The following HSPG2 variants were observed in gnomAD, a reference collection of about 807,000 sequenced individuals.
The protein encoded by HSPG2 is heparan sulfate proteoglycan 2, also known as basement membrane-specific heparan sulfate proteoglycan core protein.
In HSPG2, 278 loss-of-function variants were observed where a neutral mutation model predicts 526.6. That is an observed-to-expected ratio of 0.53 (90% CI 0.48 to 0.58). HSPG2 has a LOEUF of 0.58. Among genes scored for constraint, HSPG2 ranks in the 20% least tolerant of loss-of-function variants. The pLI is 0.00. For missense variants in HSPG2, 5,354 were observed against 6,099.5 expected (o/e 0.88, Z 4.07); for synonymous variants, 2,465 against 2,555.4 (o/e 0.96, Z 1.07).
At chr1:21,844,879 G>A (rs1174103256) in intron 64 of HSPG2, among the ~76,000 whole-genome samples, 1 of 152,194 alleles carries the variant, frequency 6.6e-6, no homozygotes, top group Admixed American at 6.6e-5. Context: ...CCCTTATCAT[G>A]ATTTCTGCAT....
At chr1:21,842,496 G>T in intron 67 of HSPG2, 116 bp from the exon 68 acceptor site, 3 of 1,229,812 alleles carry the variant, frequency 2.4e-6, no homozygotes, top group Non-Finnish European at 3.3e-6. Flanking sequence ...GTCTCAGCTG[G>T]TAGGGCTGGT....
In HSPG2 at chr1:21,887,491, T is replaced by C. The variant is rs1472932057; in HGVS notation, c.887A>G (p.His296Arg). 1 of 1,614,034 alleles carries C rather than the reference T, an allele frequency of 6.2e-7. No homozygotes were observed. The highest frequency in any genetic ancestry group is 2.2e-5 in the East Asian group (1 of 44,868). ...GPQEAACRNGHCIPRDYLCDG... is the reference protein window; with the variant it reads ...GPQEAACRNGRCIPRDYLCDG... ...GCAGAGGTAGTCTCTGGGGATGCAG[T>C]GCCCATTGCGGCATGCGGCCTCCTG... is the stretch of plus-strand genomic sequence containing the variant. Residue 296 changes from histidine (H) to arginine (R), a missense_variant, in exon 8 of 97, where the codon CAC (histidine) becomes CGC (arginine). Physicochemically the swap from His to Arg is conservative, Grantham distance 29. Transcript: ENST00000374695. The surrounding 1 kb of genome is among the most constrained non-coding windows in gnomAD (Gnocchi z 5.0).
At chr1:21,903,714 T>C (rs2501255) in intron 1 of HSPG2, among the ~76,000 whole-genome samples, 67,484 of 152,118 alleles carry the variant, frequency 0.44, 16,349 homozygotes, top group East Asian at 0.64. Context: ...GAGGCGGTGA[T>C]CTCTTTGAGA....
intron 71 of HSPG2, 54 bp downstream of exon 71, chr1:21,841,047 C>G: frequency 6.5e-7 from 1 of 1,533,024 alleles, no homozygotes; most frequent in South Asian, 1.2e-5. Context: ...AGCACCCGCT[C>G]AAGGCTGGGC....
At chr1:21,856,886 G>C in intron 44 of HSPG2, 129 bp downstream of exon 44, 1 of 992,144 alleles carries the variant, frequency 1.0e-6, no homozygotes, top group African/African-American at 1.6e-5. Context: ...CTTCTGCAGA[G>C]CCTAGACCAG....
At position 21,887,136 on chromosome 1, in the gene HSPG2, G is replaced by A. The variant is rs1641957877; in HGVS notation, c.1078+79C>T. ...AAAGCGGAGGGGCAGGGTAGGGGCGGGGCAGGAGTGGAAGGCGGGGCAGGA... is the reference window on the plus strand; with the variant it reads ...AAAGCGGAGGGGCAGGGTAGGGGCGAGGCAGGAGTGGAAGGCGGGGCAGGA... On this transcript the variant is annotated intron_variant, in intron 9 of 96. Coordinates refer to ENST00000374695, the MANE Select transcript of HSPG2 (RefSeq NM_005529.7). This position sits in a 1 kb window ranked among gnomAD's most constrained non-coding sequence, Gnocchi z 5.0. The A allele has an allele frequency of 5.1e-5, 78 of 1,534,862 alleles. No homozygotes were observed. The South Asian group carries it at 8.4e-4, about 17-fold the overall frequency.
At chr1:21,845,999 G>T in intron 64 of HSPG2, 109 bp downstream of exon 64, 1 of 1,326,778 alleles carries the variant, frequency 7.5e-7, no homozygotes, top group Non-Finnish European at 1.1e-6. Flanking sequence ...AATCAGAGCG[G>T]CAGTTCTCGC....
Position 21,884,759 on chromosome 1 carries a change from G to A in HSPG2, c.1507+8C>T, listed in dbSNP as rs757728162. The A allele has an allele frequency of 6.2e-6, 10 of 1,613,098 alleles. No individual in the cohort carries two copies. Among genetic ancestry groups the A allele is most frequent in the East Asian group, 2.2e-5 (1 of 44,870 alleles). Reference sequence around the variant, plus strand: ...CCACACCCGGTGACACCTGCCCTCCGGCAGTACCTCGTTGTGGGACGAGCT... The same window carrying A: ...CCACACCCGGTGACACCTGCCCTCCAGCAGTACCTCGTTGTGGGACGAGCT... On this transcript the variant is annotated splice_region_variant and intron_variant, in intron 12 of 96. Coordinates refer to ENST00000374695, the MANE Select transcript of HSPG2 (RefSeq NM_005529.7).
Position 21,890,202 on chromosome 1 carries a change from C to T in HSPG2, c.414-61G>A. On this transcript the variant is annotated intron_variant, in intron 5 of 96. Transcript: ENST00000374695. This position sits in a 1 kb window ranked among gnomAD's most constrained non-coding sequence, Gnocchi z 4.1. ...GAGACACCTGTGTTCTCAGCTCCTC[C>T]ATGAGGCTCCCGCCCCGACGCTCAG... 1 of 1,594,510 alleles carries T rather than the reference C, an allele frequency of 6.3e-7. No individual in the cohort carries two copies. Among genetic ancestry groups the T allele is most frequent in the Non-Finnish European group, 8.6e-7 (1 of 1,163,842 alleles).
At position 21,884,787 on chromosome 1, in the gene HSPG2, A is replaced by AGGACACCGTCAGGAATGCC. The variant is rs755856948; in HGVS notation, c.1468_1486dup (p.Leu496ArgfsTer4). The AGGACACCGTCAGGAATGCC allele has an allele frequency of 6.2e-7, 1 of 1,613,696 alleles. No individual in the cohort carries two copies. Among genetic ancestry groups the AGGACACCGTCAGGAATGCC allele is most frequent in the Non-Finnish European group, 8.5e-7 (1 of 1,179,994 alleles). On this transcript the variant is annotated stop_gained and frameshift_variant, in exon 12 of 97. Coordinates refer to ENST00000374695, the MANE Select transcript of HSPG2 (RefSeq NM_005529.7). LOFTEE classifies it high-confidence loss of function. Reference sequence around the variant, plus strand: ...AGTACCTCGTTGTGGGACGAGCTCAAGGACACCGTCAGGAATGCCAAACAC... The same window carrying AGGACACCGTCAGGAATGCC: ...AGTACCTCGTTGTGGGACGAGCTCAAGGACACCGTCAGGAATGCCGGACACCGTCAGGAATGCCAAACAC...
intron 1 of HSPG2, among the ~76,000 whole-genome samples, chr1:21,916,095 G>A (rs1323331046): frequency 2.7e-5 from 4 of 150,238 alleles, no homozygotes; most frequent in South Asian, 2.1e-4. Flanking sequence ...GGCCTGGCAC[G>A]GTGACTCACG....
Position 21,833,796 on chromosome 1 carries a change from G to A in HSPG2, c.10830+20C>T, listed in dbSNP as rs373269807. The A allele has an allele frequency of 4.5e-6, 7 of 1,559,086 alleles. No homozygotes were observed. The highest frequency in any genetic ancestry group is 1.4e-5 in the African/African-American group (1 of 73,476). ...CCCAGCCCCCAAGTCATGCCCGCTG[G>A]TTCCCTCTCCAGCACTTACCTTGCT... On this transcript the variant is annotated intron_variant, in intron 78 of 96. Transcript: ENST00000374695.
At chr1:21,931,291 A>C (rs1020297276) in intron 1 of HSPG2, among the ~76,000 whole-genome samples, 3 of 152,242 alleles carry the variant, frequency 2.0e-5, no homozygotes, top group African/African-American at 7.2e-5. Context: ...GCTCCCCGCG[A>C]AGTGAGTTCC....
intron 6 of HSPG2, chr1:21,889,682 A>G: frequency 2.6e-6 from 1 of 389,598 alleles, no homozygotes; most frequent in Non-Finnish European, 4.7e-6. Flanking sequence ...ATTATTATTA[A>G]GTACTAATGT....
intron 1 of HSPG2, among the ~76,000 whole-genome samples, chr1:21,927,805 A>G (rs1644245258): frequency 6.6e-6 from 1 of 152,314 alleles, no homozygotes; most frequent in East Asian, 1.9e-4. Context: ...GACAGATCAG[A>G]GGCAGTTACA....
chr1:21,852,518 CA>C (rs1638981880), intron 52 of HSPG2, among the ~76,000 whole-genome samples, 181 bp downstream of exon 52: 1 of 152,172 alleles, frequency 6.6e-6, no homozygotes, highest in Admixed American at 6.5e-5. Context: ...GTCATGTGGC[CA>C]AAGCAAAGTG....
In HSPG2 at chr1:21,827,845, G is replaced by A. The variant is rs1263252370; in HGVS notation, c.12589+18C>T. The stretch of plus-strand genomic sequence containing the variant: ...GAGCTGAGCTGAAGCTGGGGAGGAG[G>A]CCATGGCAAGTACTCACCATTGCCC... On this transcript the variant is annotated intron_variant, in intron 91 of 96. Coordinates refer to ENST00000374695, the MANE Select transcript of HSPG2 (RefSeq NM_005529.7). 6.4e-7 allele frequency: 1 copy of A among 1,571,654 alleles called. No homozygotes were observed. Among genetic ancestry groups the A allele is most frequent in the Middle Eastern group, 1.8e-4 (1 of 5,436 alleles).
Position 21,878,586 on chromosome 1 carries a change from CG to C in HSPG2, c.2548del (p.Arg850AlafsTer64). ...DACAPGYTGR[R>X]CESCAPGYEG... Reference sequence around the variant, plus strand: ...CAAGGCTCTCCCTCACCTCTCACAGCGGCGGCCAGTGTAGCCTGGGGCACAG... The same window carrying C: ...CAAGGCTCTCCCTCACCTCTCACAGCGCGGCCAGTGTAGCCTGGGGCACAG... On this transcript the variant is annotated frameshift_variant, in exon 19 of 97. Coordinates refer to ENST00000374695, the MANE Select transcript of HSPG2 (RefSeq NM_005529.7). LOFTEE classifies it high-confidence loss of function. 6.2e-7 allele frequency: 1 copy of C among 1,614,108 alleles called. No homozygotes were observed. The highest frequency in any genetic ancestry group is 8.5e-7 in the Non-Finnish European group (1 of 1,180,016).
chr1:21,854,099 G>GC (rs1639137013), intron 50 of HSPG2, 94 bp downstream of exon 50: 2 of 1,340,724 alleles, frequency 1.5e-6, no homozygotes, highest in African/African-American at 1.5e-5. Context: ...TGCCTGGAAT[G>GC]CCCCCCTGTC....
Sources: allele counts gnomAD v4.1 joint callset (sites outside exome capture counted in the v4.1 genomes callset), GRCh38; gene constraint gnomAD v4.1.1; non-coding constraint Gnocchi (gnomAD v3.1); transcripts MANE v1.5; gene names NCBI Gene and HGNC (gene_info 2026-07-23, HGNC 2026-07-21).